The following SLIT2 variants were observed in gnomAD, a reference collection of about 807,000 sequenced individuals.
The protein encoded by SLIT2 is slit guidance ligand 2, also known as slit homolog 2 protein.
A neutral mutation model predicts 185.7 loss-of-function variants in SLIT2; 41 were observed. The observed-to-expected ratio is 0.22, with a 90% confidence interval of 0.17 to 0.29. SLIT2 has a LOEUF of 0.29. Ranked by LOEUF, SLIT2 falls within the 10% of genes least tolerant of loss-of-function variation. SLIT2 has a pLI of 1.00. For missense variants in SLIT2, 1,571 were observed against 1,909.0 expected (o/e 0.82, Z 3.30); for synonymous variants, 693 against 680.2 (o/e 1.02, Z -0.29).
At chr4:20,480,367 C>T (rs1716568608) in intron 5 of SLIT2, among the ~76,000 whole-genome samples, 1 of 152,112 alleles carries the variant, frequency 6.6e-6, no homozygotes, top group Non-Finnish European at 1.5e-5. Context: ...GATTTACAGT[C>T]CTTTACCTTA....
At chr4:20,602,449 G>A (rs985037632) in intron 33 of SLIT2, among the ~76,000 whole-genome samples, 2 of 152,132 alleles carry the variant, frequency 1.3e-5, no homozygotes, top group African/African-American at 2.4e-5. Flanking sequence ...GTTACATCTG[G>A]ATAGAAGATC....
chr4:20,296,789 G>A (rs563673456), intron 4 of SLIT2, among the ~76,000 whole-genome samples: 1 of 152,148 alleles, frequency 6.6e-6, no homozygotes, highest in Non-Finnish European at 1.5e-5. Flanking sequence ...TGTATCCCCC[G>A]AAAAGAAAAG....
rs910607609 is a variant in SLIT2 at position 20,268,662 on chromosome 4, C to A, written c.324-148C>A. 14 of 646,262 alleles carry A rather than the reference C, an allele frequency of 2.2e-5. No homozygotes were observed. In the African/African-American group the frequency reaches 2.2e-4, roughly 10 times the overall value. 40.0% of individuals were successfully genotyped at this position (646,262 alleles called of 1,614,324 possible). A position where few individuals can be genotyped will look rare whatever the true frequency, so the allele number is the denominator to read the frequency against. ...AAGAGTCATGTAACAAAAGGTGTAA[C>A]CAACTTTTGATTTGCAATGCTTGAA... On this transcript the variant is annotated intron_variant, in intron 3 of 36. Transcript: ENST00000504154.
chr4:20,541,446 C>T lies in SLIT2; in HGVS notation c.1977-7C>T. 4 of 1,613,362 alleles carry T rather than the reference C, an allele frequency of 2.5e-6. No homozygotes were observed. The highest frequency in any genetic ancestry group is 2.2e-5 in the South Asian group (2 of 91,008). On this transcript the variant is annotated splice_region_variant and splice_polypyrimidine_tract_variant and intron_variant, in intron 19 of 36. Transcript: ENST00000504154. Reference sequence around the variant, plus strand: ...TAAACTGTGCATCGTTTGCCTGTGGCTCTTAGAAACCTCTTGGCCAATCCT... The same window carrying T: ...TAAACTGTGCATCGTTTGCCTGTGGTTCTTAGAAACCTCTTGGCCAATCCT...
intron 4 of SLIT2, among the ~76,000 whole-genome samples, chr4:20,374,635 T>G (rs1723867505): frequency 1.3e-5 from 2 of 152,036 alleles, no homozygotes; most frequent in African/African-American, 4.8e-5. Context: ...TGTATTCTTT[T>G]TCCTCTTCTC....
At chr4:20,574,764 G>C (rs1304694006) in intron 29 of SLIT2, among the ~76,000 whole-genome samples, 1 of 145,368 alleles carries the variant, frequency 6.9e-6, no homozygotes, top group Admixed American at 6.9e-5. Context: ...TGCAGCCTGG[G>C]CAAGAGAGTG....
At chr4:20,525,918 A>T (rs969619280) in intron 15 of SLIT2, among the ~76,000 whole-genome samples, 19 of 152,144 alleles carry the variant, frequency 1.2e-4, no homozygotes, top group Admixed American at 1.1e-3. Context: ...CTTCAATCGT[A>T]ACACTATCAA....
intron 15 of SLIT2, among the ~76,000 whole-genome samples, chr4:20,525,620 G>C (rs1409937010): frequency 6.6e-6 from 1 of 152,038 alleles, no homozygotes; most frequent in Non-Finnish European, 1.5e-5. Context: ...TTTCAATCAT[G>C]AAAATTACTT....
chr4:20,447,273 A>T (rs1245126975), intron 4 of SLIT2, among the ~76,000 whole-genome samples: 1 of 152,194 alleles, frequency 6.6e-6, no homozygotes, highest in Admixed American at 6.5e-5. Flanking sequence ...AGGAAGCAGG[A>T]TCTGCGAGGA....
intron 26 of SLIT2, among the ~76,000 whole-genome samples, chr4:20,561,625 A>T (rs902133051): frequency 1.3e-5 from 2 of 151,618 alleles, no homozygotes; most frequent in Non-Finnish European, 2.9e-5. Context: ...GATCAGTTAG[A>T]TCAGTTTTGA....
chr4:20,471,158 G>A (rs1019036625), intron 5 of SLIT2, among the ~76,000 whole-genome samples: 1 of 152,042 alleles, frequency 6.6e-6, no homozygotes, highest in Non-Finnish European at 1.5e-5. Flanking sequence ...TTATGAATTA[G>A]GATCACAGCT....
At chr4:20,579,987 TTTAA>T in intron 29 of SLIT2, among the ~76,000 whole-genome samples, 1 of 145,228 alleles carries the variant, frequency 6.9e-6, no homozygotes, top group Non-Finnish European at 1.5e-5. Flanking sequence ...TATATATATA[TTTAA>T]TATGTAATAT....
intron 4 of SLIT2, among the ~76,000 whole-genome samples, chr4:20,339,200 A>C (rs1188768567): frequency 6.6e-6 from 1 of 152,114 alleles, no homozygotes; most frequent in Non-Finnish European, 1.5e-5. Context: ...AGTATTGAAA[A>C]GGTAATAACC....
intron 9 of SLIT2, among the ~76,000 whole-genome samples, chr4:20,496,234 C>T (rs1417538025): frequency 1.3e-5 from 2 of 150,394 alleles, no homozygotes; most frequent in Admixed American, 6.7e-5. Context: ...CTTTCTGTTT[C>T]CAACTACAAA....
At chr4:20,315,172 AC>A (rs1411422780) in intron 4 of SLIT2, among the ~76,000 whole-genome samples, 1 of 152,144 alleles carries the variant, frequency 6.6e-6, no homozygotes, top group Non-Finnish European at 1.5e-5. Context: ...TAGGAATAAA[AC>A]CTTAGAGTTT....
chr4:20,518,719 C>CTCAG (rs1366567661), intron 11 of SLIT2, among the ~76,000 whole-genome samples: 1 of 138,238 alleles, frequency 7.2e-6, no homozygotes, highest in Non-Finnish European at 1.6e-5. Flanking sequence ...ATTCTCCTGC[C>CTCAG]TCAGCCTCCC....
chr4:20,525,097 G>T, intron 14 of SLIT2, 52 bp from the exon 15 acceptor site: 2 of 1,340,784 alleles, frequency 1.5e-6, no homozygotes, highest in South Asian at 2.3e-5. Flanking sequence ...TCATATCTCT[G>T]CTTGCTGACA....
intron 4 of SLIT2, among the ~76,000 whole-genome samples, chr4:20,337,187 GA>G (rs1265603090): frequency 3.3e-5 from 5 of 152,234 alleles, no homozygotes; most frequent in Admixed American, 2.0e-4. Flanking sequence ...ATTTATACAG[GA>G]AAAAGGGTTT....
At chr4:20,504,028 T>C (rs1483655346) in intron 9 of SLIT2, among the ~76,000 whole-genome samples, 1 of 152,198 alleles carries the variant, frequency 6.6e-6, no homozygotes, top group Non-Finnish European at 1.5e-5. Context: ...TAGGCTAAAA[T>C]ATGTTGGATC....
Sources: gnomAD v4.1 joint callset for allele counts (sites outside exome capture counted in the v4.1 genomes callset) on GRCh38, gnomAD v4.1.1 for gene constraint, MANE v1.5 for transcripts, NCBI Gene and HGNC (gene_info 2026-07-23, HGNC 2026-07-21) for gene names.